The following SPMIP7 variants were observed in gnomAD, a reference collection of about 807,000 sequenced individuals.
SPMIP7 encodes the protein protein SPMIP7.
At chr7:50,135,988 G>T in the SPMIP7 span, 1 of 751,368 alleles carries the variant, frequency 1.3e-6, no homozygotes, top group Non-Finnish European at 2.3e-6. Flanking sequence ...TTCCTAGGGA[G>T]CCTGGGGCAT....
At chr7:50,151,298 G>A in the SPMIP7 span, among the ~76,000 whole-genome samples, 1 of 151,944 alleles carries the variant, frequency 6.6e-6, no homozygotes, top group Non-Finnish European at 1.5e-5. Flanking sequence ...TTCCTTTTTG[G>A]ACAGCCCAAG....
the SPMIP7 span, among the ~76,000 whole-genome samples, chr7:50,134,939 C>A: frequency 1.3e-5 from 2 of 152,078 alleles, no homozygotes; most frequent in Non-Finnish European, 2.9e-5. Flanking sequence ...CCATTATTTG[C>A]CCATGGTTCC....
At chr7:50,129,832 T>A in the SPMIP7 span, 9 of 1,342,656 alleles carry the variant, frequency 6.7e-6, no homozygotes, top group Non-Finnish European at 7.3e-6. Flanking sequence ...TTTTGGAATA[T>A]ATTTCTTTTT....
the SPMIP7 span, among the ~76,000 whole-genome samples, chr7:50,125,889 G>A: frequency 6.6e-6 from 1 of 151,998 alleles, no homozygotes; most frequent in African/African-American, 2.4e-5. Flanking sequence ...AATTAGTTCT[G>A]GAGATATATT....
the SPMIP7 span, among the ~76,000 whole-genome samples, chr7:50,138,900 A>T: frequency 6.6e-6 from 1 of 152,196 alleles, no homozygotes; most frequent in African/African-American, 2.4e-5. Flanking sequence ...TCAGAAAACT[A>T]CCATTTTATT....
chr7:50,107,533 G>A, the SPMIP7 span, among the ~76,000 whole-genome samples: 1 of 151,808 alleles, frequency 6.6e-6, no homozygotes, highest in Admixed American at 6.6e-5. Context: ...TTGGAGAACT[G>A]GTAGATAAAT....
chr7:50,130,924 G>A, the SPMIP7 span, among the ~76,000 whole-genome samples: 2 of 152,132 alleles, frequency 1.3e-5, no homozygotes, highest in African/African-American at 2.4e-5. Context: ...AGTAGCAAAA[G>A]GAGAGGTCAG....
At chr7:50,159,203 C>A in the SPMIP7 span, 1 of 1,544,112 alleles carries the variant, frequency 6.5e-7, no homozygotes, top group Non-Finnish European at 8.7e-7. Context: ...TCCAGGCCTC[C>A]GCCTGGGGAA....
chr7:50,123,698 CA>C, the SPMIP7 span, among the ~76,000 whole-genome samples: 1 of 151,770 alleles, frequency 6.6e-6, no homozygotes, highest in Non-Finnish European at 1.5e-5. Flanking sequence ...CTAGAGGAGT[CA>C]CTAAAACGCA....
chr7:50,101,031 C>T, the SPMIP7 span, among the ~76,000 whole-genome samples: 1,417 of 152,088 alleles, frequency 9.3e-3, 15 homozygotes, highest in Non-Finnish European at 0.014. Context: ...ATGATTTTAA[C>T]CTTTTTAAAT....
the SPMIP7 span, among the ~76,000 whole-genome samples, chr7:50,148,583 G>T: frequency 6.6e-6 from 1 of 152,208 alleles, no homozygotes; most frequent in Non-Finnish European, 1.5e-5. Context: ...TTAATGAATG[G>T]TTGGGGGAGA....
At chr7:50,099,876 T>A in the SPMIP7 span, among the ~76,000 whole-genome samples, 1 of 152,132 alleles carries the variant, frequency 6.6e-6, no homozygotes. Context: ...ACCTTCTCCA[T>A]CTTCCCCCAG....
At chr7:50,148,032 A>G in the SPMIP7 span, among the ~76,000 whole-genome samples, 1 of 152,116 alleles carries the variant, frequency 6.6e-6, no homozygotes, top group Non-Finnish European at 1.5e-5. Flanking sequence ...CCTCCAGCTG[A>G]AAAATAATAT....
chr7:50,102,193 G>A, the SPMIP7 span, among the ~76,000 whole-genome samples: 5 of 152,266 alleles, frequency 3.3e-5, no homozygotes, highest in East Asian at 1.9e-4. Context: ...TTGTGCTGGC[G>A]CGTGCCCGTA....
At chr7:50,104,396 G>A in the SPMIP7 span, 1 of 1,520,054 alleles carries the variant, frequency 6.6e-7, no homozygotes, top group South Asian at 1.3e-5. Flanking sequence ...CATTTGATGA[G>A]GAGGCAACAT....
At chr7:50,136,205 A>G in the SPMIP7 span, 2 of 1,373,494 alleles carry the variant, frequency 1.5e-6, no homozygotes, top group East Asian at 2.5e-5. Context: ...TAGGTTTCTC[A>G]CTATCATGTT....
chr7:50,130,960 G>A, the SPMIP7 span, among the ~76,000 whole-genome samples: 2 of 152,134 alleles, frequency 1.3e-5, no homozygotes, highest in Non-Finnish European at 2.9e-5. Flanking sequence ...CAGATCTTGT[G>A]GGACACTTTA....
the SPMIP7 span, among the ~76,000 whole-genome samples, chr7:50,138,075 G>A: frequency 6.6e-6 from 1 of 152,030 alleles, no homozygotes; most frequent in Non-Finnish European, 1.5e-5. Flanking sequence ...TCTCTGCCTT[G>A]AAATAATAAA....
At chr7:50,133,254 T>C in the SPMIP7 span, among the ~76,000 whole-genome samples, 1 of 152,066 alleles carries the variant, frequency 6.6e-6, no homozygotes, top group Non-Finnish European at 1.5e-5. Flanking sequence ...TGTGTGTGTG[T>C]GTTTAAAATA....
Sources: gnomAD v4.1 joint callset for allele counts (sites outside exome capture counted in the v4.1 genomes callset) on GRCh38, gnomAD v4.1.1 for gene constraint, MANE v1.5 for transcripts, NCBI Gene and HGNC (gene_info 2026-07-23, HGNC 2026-07-21) for gene names.